TLE4: variants seen among roughly 807,000 people sequenced by gnomAD.
TLE4 encodes TLE family member 4, transcriptional corepressor.
A neutral mutation model predicts 92.8 loss-of-function variants in TLE4; 8 were observed. That is an observed-to-expected ratio of 0.09 (90% CI 0.05 to 0.16). The LOEUF is 0.16. Ranked by LOEUF, TLE4 falls within the 10% of genes least tolerant of loss-of-function variation. The pLI is 1.00. For synonymous variants in TLE4, 371 were observed against 374.1 expected (o/e 0.99, Z 0.10); for missense variants, 675 against 997.6 (o/e 0.68, Z 4.36).
intron 8 of TLE4, among the ~76,000 whole-genome samples, chr9:79,666,198 G>GTGTGT (rs1564759887): frequency 6.2e-5 from 8 of 128,086 alleles, no homozygotes; most frequent in Admixed American, 4.2e-4. Flanking sequence ...TGTGTGTGTG[G>GTGTGT]GTGGGGTTTT....
intron 8 of TLE4, among the ~76,000 whole-genome samples, chr9:79,664,450 C>G (rs1392549397): frequency 1.3e-5 from 2 of 152,100 alleles, no homozygotes; most frequent in Non-Finnish European, 2.9e-5. Context: ...GGATTATAAC[C>G]AAACCATATT....
In TLE4 at chr9:79,706,996, G is replaced by A. The variant is rs3802500; in HGVS notation, c.936+97G>A. 151 of 1,563,228 alleles carry A rather than the reference G, an allele frequency of 9.7e-5. 1 individual carries two copies. The East Asian group carries it at 3.3e-3, about 34-fold the overall frequency. ...TTTATATTTCTCACATTTTTAACAG[G>A]ACTTTTATTTCCAAATGTATATATG... On this transcript the variant is annotated intron_variant, in intron 11 of 19. Coordinates refer to ENST00000376552, the MANE Select transcript of TLE4 (RefSeq NM_007005.6).
intron 6 of TLE4, among the ~76,000 whole-genome samples, chr9:79,647,998 A>G (rs1254428899): frequency 6.6e-6 from 1 of 151,912 alleles, no homozygotes; most frequent in Non-Finnish European, 1.5e-5. Context: ...TGTGTTGATT[A>G]GTAGTAAAGC....
intron 4 of TLE4, among the ~76,000 whole-genome samples, chr9:79,607,754 GTACCAT>G (rs2047416042): frequency 8.3e-6 from 1 of 120,172 alleles, no homozygotes; most frequent in Non-Finnish European, 1.8e-5. Flanking sequence ...TTTGGTACCA[GTACCAT>G]GCTGTTTTGG....
intron 8 of TLE4, among the ~76,000 whole-genome samples, chr9:79,659,924 T>TG (rs1365876561): frequency 6.6e-6 from 1 of 152,208 alleles, no homozygotes; most frequent in African/African-American, 2.4e-5. Context: ...GAAATAGAAC[T>TG]CTACCTTTTT....
chr9:79,721,016 G>T (rs2075545624), intron 16 of TLE4, among the ~76,000 whole-genome samples: 1 of 152,176 alleles, frequency 6.6e-6, no homozygotes, highest in African/African-American at 2.4e-5. Context: ...GTATGAAAAG[G>T]TTGTAACCAG....
chr9:79,722,712 GAAT>G, intron 18 of TLE4, 111 bp downstream of exon 18: 1 of 1,335,934 alleles, frequency 7.5e-7, no homozygotes, highest in Non-Finnish European at 1.0e-6. Context: ...CCCCTCTTCA[GAAT>G]TCTATTACTT....
In TLE4 at chr9:79,699,429, G is replaced by A. The variant is rs535219679; in HGVS notation, c.610-5354G>A. ...TAGTTAAGAGTAACTATAATTTATC[G>A]TCTAAACTTGGCCATTTTTGAGAGT... On this transcript the variant is annotated intron_variant, in intron 8 of 19. Coordinates refer to ENST00000376552, the MANE Select transcript of TLE4 (RefSeq NM_007005.6). 5.9e-5 allele frequency among the ~76,000 whole-genome samples: 9 copies of A among 152,216 alleles called. No individual in the cohort carries two copies. The South Asian group carries it at 1.7e-3, about 28-fold the overall frequency.
intron 5 of TLE4, among the ~76,000 whole-genome samples, chr9:79,615,542 A>C (rs1714107904): frequency 2.6e-5 from 4 of 152,142 alleles, no homozygotes; most frequent in African/African-American, 9.7e-5. Context: ...GTATATTTAC[A>C]TACTGTTAGA....
intron 4 of TLE4, among the ~76,000 whole-genome samples, chr9:79,603,568 A>C (rs2046156022): frequency 6.6e-6 from 1 of 152,138 alleles, no homozygotes; most frequent in South Asian, 2.1e-4. Flanking sequence ...TAGTACAAAC[A>C]TAACTTTTAT....
chr9:79,690,656 C>G (rs2066862281), intron 8 of TLE4, among the ~76,000 whole-genome samples: 1 of 151,122 alleles, frequency 6.6e-6, no homozygotes, highest in Admixed American at 6.6e-5. Context: ...GGATCTCACT[C>G]TCACTCAGGC....
intron 8 of TLE4, among the ~76,000 whole-genome samples, chr9:79,696,313 A>G (rs118152937): frequency 0.015 from 2,260 of 152,326 alleles, 34 homozygotes; most frequent in South Asian, 0.024. Flanking sequence ...GGTTCACATT[A>G]TATTTCTGTC....
At chr9:79,646,407 T>G (rs953432567) in intron 6 of TLE4, among the ~76,000 whole-genome samples, 3 of 152,206 alleles carry the variant, frequency 2.0e-5, no homozygotes, top group Non-Finnish European at 4.4e-5. Context: ...AGAGAAACCT[T>G]ACTCCTTTTC....
intron 4 of TLE4, among the ~76,000 whole-genome samples, chr9:79,578,629 A>G (rs2038704565): frequency 6.6e-6 from 1 of 152,208 alleles, no homozygotes; most frequent in Non-Finnish European, 1.5e-5. Context: ...ATAGAGAACT[A>G]TAAAATGAAA....
chr9:79,668,191 G>T (rs964178694), intron 8 of TLE4, among the ~76,000 whole-genome samples: 1 of 152,226 alleles, frequency 6.6e-6, no homozygotes, highest in Non-Finnish European at 1.5e-5. Flanking sequence ...CAGCCCAGAC[G>T]AGCTGTGAGC....
intron 4 of TLE4, 194 bp downstream of exon 4, chr9:79,576,371 T>G (rs1036433954): frequency 8.1e-6 from 3 of 369,366 alleles, no homozygotes; most frequent in Non-Finnish European, 1.5e-5. Context: ...ATTTTTATAA[T>G]TTAAAAATGT....
chr9:79,572,669 C>G lies in TLE4; in HGVS notation c.-122C>G, dbSNP rs1051637730. The G allele has an allele frequency of 2.2e-6, 2 of 900,838 alleles. No homozygotes were observed. Among genetic ancestry groups the G allele is most frequent in the Middle Eastern group, 2.8e-4 (1 of 3,530 alleles). 55.8% of individuals were successfully genotyped at this position (900,838 alleles called of 1,614,324 possible). A position where few individuals can be genotyped will look rare whatever the true frequency, so the allele number is the denominator to read the frequency against. On this transcript the variant is annotated 5_prime_UTR_variant, in exon 1 of 20. Transcript: ENST00000376552. The stretch of plus-strand genomic sequence containing the variant: ...CGCGAGACCCGGCGGGGGCCGGGAC[C>G]GCCCGAGCCGCCCCTCAGACCGAGC...
intron 4 of TLE4, among the ~76,000 whole-genome samples, chr9:79,609,526 T>C (rs1023175711): frequency 2.0e-5 from 3 of 152,032 alleles, no homozygotes; most frequent in Admixed American, 6.6e-5. Flanking sequence ...ACTTTTATTG[T>C]TTTTTAAATG....
chr9:79,724,837 A>T (rs776691739), intron 19 of TLE4, among the ~76,000 whole-genome samples, 200 bp from the exon 20 acceptor site: 3 of 110,444 alleles, frequency 2.7e-5, no homozygotes, highest in African/African-American at 3.4e-5. Flanking sequence ...ACTGAGGGAG[A>T]CCCTGTCTTA....
Sources: allele counts gnomAD v4.1 joint callset (sites outside exome capture counted in the v4.1 genomes callset), GRCh38; gene constraint gnomAD v4.1.1; transcripts MANE v1.5; gene names NCBI Gene and HGNC (gene_info 2026-07-23, HGNC 2026-07-21).